SLC41A3: variants seen among roughly 807,000 people sequenced by gnomAD.
The protein encoded by SLC41A3 is solute carrier family 41 member 3, also known as SLC41A1-like 2.
Under a neutral mutation model 45.4 loss-of-function variants are expected in SLC41A3, and 44 were observed. The ratio of observed to expected loss-of-function variants is 0.97; its 90% CI spans 0.76 to 1.25. The LOEUF is 1.25. Among genes scored for constraint, SLC41A3 ranks in the 50% most tolerant of loss-of-function variants. The probability of loss-of-function intolerance (pLI) is 0.00; values close to 1 mark genes in which losing one functional copy is unlikely to be tolerated. For synonymous variants in SLC41A3, 256 were observed against 252.4 expected (o/e 1.01, Z -0.13); for missense variants, 550 against 600.6 (o/e 0.92, Z 0.88).
At chr3:126,028,492 A>C (rs1941544756) in intron 4 of SLC41A3, among the ~76,000 whole-genome samples, 1 of 152,250 alleles carries the variant, frequency 6.6e-6, no homozygotes, top group African/African-American at 2.4e-5. Flanking sequence ...TGGATTTCAG[A>C]GGATGTATGG....
chr3:126,099,821 C>T (rs1248800706), intron 1 of SLC41A3, among the ~76,000 whole-genome samples: 2 of 152,104 alleles, frequency 1.3e-5, no homozygotes, highest in Non-Finnish European at 2.9e-5. Flanking sequence ...TAACTGATAC[C>T]CAGAGTCTGT....
chr3:126,101,218 G>A (rs938421286), intron 1 of SLC41A3, among the ~76,000 whole-genome samples: 5 of 152,244 alleles, frequency 3.3e-5, no homozygotes, highest in Admixed American at 2.6e-4. Context: ...CCCCTTCAGG[G>A]TGCATGTTGG....
At position 126,073,538 on chromosome 3, in the gene SLC41A3, T is replaced by C. The variant is rs758959973; in HGVS notation, c.-27-5292A>G. ...TCATCTGTACACCAAACCCCCATGA[T>C]ACCTAATTTATAACAAACCTGCACA... On this transcript the variant is annotated intron_variant, in intron 1 of 10. Transcript: ENST00000360370. Among the ~76,000 whole-genome samples, 48 of 152,222 alleles carry C rather than the reference T, an allele frequency of 3.2e-4. 1 individual carries two copies. Among genetic ancestry groups the C allele is most frequent in the Non-Finnish European group, 1.2e-4 (8 of 68,012 alleles).
In SLC41A3 at chr3:126,045,991, G is replaced by A. The variant is rs180972207; in HGVS notation, c.381+4952C>T. Among the ~76,000 whole-genome samples, 564 of 149,922 alleles carry A rather than the reference G, an allele frequency of 3.8e-3. 7 individuals are homozygous for A. The highest frequency in any genetic ancestry group is 2.1e-3 in the Non-Finnish European group (145 of 67,880). On this transcript the variant is annotated intron_variant, in intron 3 of 10. Coordinates refer to ENST00000360370, the MANE Select transcript of SLC41A3 (RefSeq NM_017836.4). ...CAATCCATGTTAACAGAATCAATGGGGGGAAAAAAAACCACATGATGAAAA... is the reference window on the plus strand; with the variant it reads ...CAATCCATGTTAACAGAATCAATGGAGGGAAAAAAAACCACATGATGAAAA...
intron 1 of SLC41A3, chr3:126,083,787 G>A (rs377120370): frequency 2.0e-5 from 3 of 150,900 alleles, no homozygotes; most frequent in Admixed American, 6.6e-5. Context: ...CCCAGCGCCT[G>A]GGTTCTCTCC....
chr3:126,022,789 T>G lies in SLC41A3; in HGVS notation c.742A>C (p.Lys248Gln), dbSNP rs1008486704. Reference sequence around the variant, plus strand: ...TATAGAAGAAGACACTCTTTACCTTTGTGTCTGTAGAAGAAGCTGCTAACC... The same window carrying G: ...TATAGAAGAAGACACTCTTTACCTTGGTGTCTGTAGAAGAAGCTGCTAACC... ...ALVSSFFYRH[K>Q]DSRYLTPLVC... Residue 248 changes from lysine to glutamine, a missense_variant, in exon 6 of 11, where the codon AAA (lysine) becomes CAA (glutamine). Coordinates refer to ENST00000360370, the MANE Select transcript of SLC41A3 (RefSeq NM_017836.4). The G allele has an allele frequency of 6.2e-7, 1 of 1,614,058 alleles. No individual in the cohort carries two copies. Among genetic ancestry groups the G allele is most frequent in the African/African-American group, 1.3e-5 (1 of 74,922 alleles).
chr3:126,065,918 G>T (rs1285373173), intron 2 of SLC41A3, among the ~76,000 whole-genome samples: 1 of 152,106 alleles, frequency 6.6e-6, no homozygotes, highest in Non-Finnish European at 1.5e-5. Context: ...ACCTCAACCT[G>T]TCTCACTCAT....
At chr3:126,067,727 T>C in intron 2 of SLC41A3, 1 of 599,208 alleles carries the variant, frequency 1.7e-6, no homozygotes, top group East Asian at 3.0e-5. Context: ...TCTACATCAA[T>C]CATATGGGCT....
chr3:126,029,923 T>C (rs887139927), intron 4 of SLC41A3, among the ~76,000 whole-genome samples: 6 of 152,026 alleles, frequency 3.9e-5, no homozygotes, highest in African/African-American at 1.4e-4. Flanking sequence ...CATGAATATA[T>C]AGCAGGATAA....
Position 126,006,876 on chromosome 3 carries a change from C to T in SLC41A3, c.*140G>A, listed in dbSNP as rs893471602. On this transcript the variant is annotated 3_prime_UTR_variant, in exon 11 of 11. Transcript: ENST00000360370. ...ACCCCAGAGCCGAGGTGTGTGAGAG[C>T]TACCTTAGCAGACTCACAAAAGGCT... The T allele has an allele frequency of 1.1e-5, 16 of 1,513,120 alleles. No individual in the cohort carries two copies. The African/African-American group carries it at 1.5e-4, about 14-fold the overall frequency. The allele number at this position is 1,513,120 out of a possible 1,614,324, so 93.7% of individuals were successfully genotyped here.
intron 2 of SLC41A3, among the ~76,000 whole-genome samples, chr3:126,064,774 C>T (rs1452602796): frequency 6.6e-6 from 1 of 152,254 alleles, no homozygotes; most frequent in Non-Finnish European, 1.5e-5. Context: ...GCACACAATG[C>T]TCATCCCAGT....
At chr3:126,013,864 G>T (rs1939981879) in intron 8 of SLC41A3, among the ~76,000 whole-genome samples, 1 of 152,150 alleles carries the variant, frequency 6.6e-6, no homozygotes, top group Non-Finnish European at 1.5e-5. Context: ...GACTGACAGG[G>T]CATAGAACAC....
chr3:126,064,147 T>C (rs1473321737), intron 2 of SLC41A3, among the ~76,000 whole-genome samples: 1 of 151,832 alleles, frequency 6.6e-6, no homozygotes, highest in African/African-American at 2.4e-5. Flanking sequence ...GGGTCAATGG[T>C]GGGGTAAGGC....
chr3:126,047,188 C>T (rs574355609), intron 3 of SLC41A3, among the ~76,000 whole-genome samples: 202 of 152,132 alleles, frequency 1.3e-3, no homozygotes, highest in Non-Finnish European at 2.6e-3. Flanking sequence ...CATGGTGAAA[C>T]CCTGTCTCTA....
intron 6 of SLC41A3, among the ~76,000 whole-genome samples, chr3:126,018,937 T>C (rs534691641): frequency 8.5e-5 from 13 of 152,392 alleles, no homozygotes; most frequent in African/African-American, 3.1e-4. Context: ...TTTTTGACTG[T>C]AATACAGCAG....
chr3:126,009,595 C>T (rs1051071383), intron 9 of SLC41A3, among the ~76,000 whole-genome samples: 1 of 152,160 alleles, frequency 6.6e-6, no homozygotes, highest in Non-Finnish European at 1.5e-5. Context: ...AAAAGTAGGT[C>T]TCCATTTGCC....
intron 2 of SLC41A3, among the ~76,000 whole-genome samples, chr3:126,051,347 C>A (rs1943323959): frequency 6.6e-6 from 1 of 152,204 alleles, no homozygotes; most frequent in South Asian, 2.1e-4. Context: ...TCTCTAGAGG[C>A]ATGCACAGGT....
At chr3:126,019,584 G>A (rs576249452) in intron 6 of SLC41A3, among the ~76,000 whole-genome samples, 1 of 152,130 alleles carries the variant, frequency 6.6e-6, no homozygotes, top group African/African-American at 2.4e-5. Context: ...AGATACAATG[G>A]TGGTACAGGC....
intron 10 of SLC41A3, among the ~76,000 whole-genome samples, chr3:126,008,372 AGT>A (rs1395606633): frequency 6.6e-6 from 1 of 150,744 alleles, no homozygotes; most frequent in African/African-American, 2.4e-5. Context: ...TGTGGTGTGG[AGT>A]GTGTGGTGTG....
Sources: gnomAD v4.1 joint callset for allele counts (sites outside exome capture counted in the v4.1 genomes callset) on GRCh38, gnomAD v4.1.1 for gene constraint, MANE v1.5 for transcripts, NCBI Gene and HGNC (gene_info 2026-07-23, HGNC 2026-07-21) for gene names.